Variants in RIMKLB observed in about 807,000 individuals in gnomAD.
The protein encoded by RIMKLB is beta-citrylglutamate synthase B.
RIMKLB carries 7 observed loss-of-function variants against 32.0 expected under a neutral mutation model. That is an observed-to-expected ratio of 0.22 (90% CI 0.12 to 0.41). The LOEUF (loss-of-function observed/expected upper bound fraction) is 0.41. Among genes scored for constraint, RIMKLB ranks in the 10% least tolerant of loss-of-function variants. The pLI is 1.00. For synonymous variants in RIMKLB, 172 were observed against 185.1 expected, an observed-to-expected ratio of 0.93 and a Z score of 0.57; for missense variants, 289 against 498.7, an observed-to-expected ratio of 0.58 and a Z score of 4.00.
downstream of RIMKLB, chr12:8,780,391 G>A (rs1226252754): frequency 6.6e-6 from 1 of 152,044 alleles, no homozygotes; most frequent in African/African-American, 2.4e-5. Flanking sequence ...GCATGAACAT[G>A]GATCATACAG....
intron 2 of RIMKLB, among the ~76,000 whole-genome samples, chr12:8,747,964 C>G (rs990252255): frequency 6.6e-6 from 1 of 152,086 alleles, no homozygotes; most frequent in African/African-American, 2.4e-5. Context: ...CCATGTTGGC[C>G]AGGCTGGTCT....
intron 2 of RIMKLB, among the ~76,000 whole-genome samples, chr12:8,728,242 T>A (rs2137231585): frequency 6.6e-6 from 1 of 152,382 alleles, no homozygotes; most frequent in East Asian, 1.9e-4. Context: ...TAGTTTAGTT[T>A]TTGACTCTGG....
intron 2 of RIMKLB, among the ~76,000 whole-genome samples, chr12:8,726,253 G>A (rs1286261884): frequency 1.3e-5 from 2 of 152,210 alleles, no homozygotes; most frequent in African/African-American, 4.8e-5. Context: ...CCAGTAAGAT[G>A]TAGTGGTATC....
chr12:8,772,560 C>T (rs944736089), intron 5 of RIMKLB, among the ~76,000 whole-genome samples: 2 of 152,166 alleles, frequency 1.3e-5, no homozygotes, highest in Non-Finnish European at 2.9e-5. Context: ...CCTTTTGTTT[C>T]CTTGACTTCT....
chr12:8,690,520 G>A (rs927868082), intron 1 of RIMKLB, among the ~76,000 whole-genome samples: 3 of 152,226 alleles, frequency 2.0e-5, no homozygotes, highest in African/African-American at 7.2e-5. Flanking sequence ...GCAGTTAAGA[G>A]CATGTACTTT....
intron 1 of RIMKLB, among the ~76,000 whole-genome samples, chr12:8,691,726 A>G (rs11046806): frequency 0.23 from 34,343 of 152,230 alleles, 4,128 homozygotes; most frequent in Non-Finnish European, 0.26. Context: ...AACTTAGACT[A>G]CTGAACAGGG....
the RIMKLB span, chr12:8,668,949 C>T: frequency 4.0e-5 from 6 of 151,134 alleles, no homozygotes; most frequent in African/African-American, 1.2e-4. Context: ...TGTATAACTA[C>T]AATACAGGAT....
At chr12:8,693,342 C>G (rs1020411908), upstream of RIMKLB, among the ~76,000 whole-genome samples, 2 of 151,984 alleles carry the variant, frequency 1.3e-5, no homozygotes, top group Non-Finnish European at 2.9e-5. Context: ...TCATATTATC[C>G]CATCAAAAAC....
At chr12:8,736,750 T>TG (rs1254975475) in intron 2 of RIMKLB, among the ~76,000 whole-genome samples, 1 of 151,814 alleles carries the variant, frequency 6.6e-6, no homozygotes, top group Admixed American at 6.6e-5. Flanking sequence ...CCTCCCAAAG[T>TG]GCTGAGATTA....
chr12:8,674,049 C>T, the RIMKLB span, among the ~76,000 whole-genome samples: 3 of 152,110 alleles, frequency 2.0e-5, no homozygotes, highest in South Asian at 6.2e-4. Context: ...GAGAAATAAA[C>T]TCCACCTTTT....
At chr12:8,725,823 G>C (rs1374819773) in intron 2 of RIMKLB, among the ~76,000 whole-genome samples, 1 of 152,174 alleles carries the variant, frequency 6.6e-6, no homozygotes, top group Non-Finnish European at 1.5e-5. Flanking sequence ...CTGCCACACT[G>C]TCTTCCAGGG....
At chr12:8,763,353 T>C (rs1949693283) in intron 5 of RIMKLB, among the ~76,000 whole-genome samples, 1 of 152,214 alleles carries the variant, frequency 6.6e-6, no homozygotes, top group Admixed American at 6.5e-5. Flanking sequence ...GTTAGGGCCT[T>C]CTTTAGGGCC....
intron 5 of RIMKLB, among the ~76,000 whole-genome samples, chr12:8,756,875 A>G (rs1949082175): frequency 6.6e-6 from 1 of 151,828 alleles, no homozygotes; most frequent in Non-Finnish European, 1.5e-5. Context: ...TATTTTTAGT[A>G]GAGATGGGGT....
chr12:8,761,830 A>G (rs1202222801), intron 5 of RIMKLB, among the ~76,000 whole-genome samples: 3 of 152,112 alleles, frequency 2.0e-5, no homozygotes, highest in African/African-American at 7.2e-5. Context: ...ATTGGGGTAT[A>G]GTAGGGGTCG....
chr12:8,733,159 AATGGAT>A (rs1393490292), intron 2 of RIMKLB, among the ~76,000 whole-genome samples: 1 of 152,214 alleles, frequency 6.6e-6, no homozygotes, highest in Non-Finnish European at 1.5e-5. Context: ...CTTGGCAGCT[AATGGAT>A]AGAGGCTAAG....
chr12:8,731,968 T>A (rs1449268423), intron 2 of RIMKLB, among the ~76,000 whole-genome samples: 1 of 152,180 alleles, frequency 6.6e-6, no homozygotes, highest in Admixed American at 6.5e-5. Context: ...CTTAACATTT[T>A]ACTTTGCAGG....
At chr12:8,690,577 A>C (rs1025105511) in intron 1 of RIMKLB, among the ~76,000 whole-genome samples, 1 of 152,220 alleles carries the variant, frequency 6.6e-6, no homozygotes, top group Non-Finnish European at 1.5e-5. Context: ...TAGCTGAGTG[A>C]CTTCGGACAA....
At position 8,720,612 on chromosome 12, in the gene RIMKLB, G is replaced by A. The variant is rs538329964; in HGVS notation, c.175+6571G>A. Among the ~76,000 whole-genome samples, 173 of 152,216 alleles carry A rather than the reference G, an allele frequency of 1.1e-3. 1 individual carries two copies. Among genetic ancestry groups the A allele is most frequent in the Admixed American group, 1.8e-3 (28 of 15,290 alleles). Reference sequence around the variant, plus strand: ...GGCCGGAGTGCAGTGGCGCGATCTCGCTCACTGCAACCTCTGTCTCGGGTT... The same window carrying A: ...GGCCGGAGTGCAGTGGCGCGATCTCACTCACTGCAACCTCTGTCTCGGGTT... On this transcript the variant is annotated intron_variant, in intron 2 of 5. Coordinates refer to ENST00000535829, the MANE Select transcript of RIMKLB (RefSeq NM_001297776.2).
intron 2 of RIMKLB, among the ~76,000 whole-genome samples, chr12:8,730,886 T>C (rs1179942699): frequency 6.6e-6 from 1 of 151,446 alleles, no homozygotes; most frequent in Non-Finnish European, 1.5e-5. Context: ...ATTACAGGCA[T>C]ATGCCTTCAC....
Sources: allele counts gnomAD v4.1 joint callset (sites outside exome capture counted in the v4.1 genomes callset), GRCh38; gene constraint gnomAD v4.1.1; transcripts MANE v1.5; gene names NCBI Gene and HGNC (gene_info 2026-07-23, HGNC 2026-07-21).